Variants in ZNF652 observed in about 807,000 individuals in gnomAD.
ZNF652 encodes zinc finger protein 652.
ZNF652 carries 16 observed loss-of-function variants against 45.2 expected under a neutral mutation model. The ratio of observed to expected loss-of-function variants is 0.35; its 90% CI spans 0.24 to 0.54. The LOEUF (loss-of-function observed/expected upper bound fraction) is 0.54. Ranked by LOEUF, ZNF652 falls within the 20% of genes least tolerant of loss-of-function variation. The pLI is 0.91. For synonymous variants in ZNF652, 250 were observed against 260.6 expected (o/e 0.96, Z 0.39); for missense variants, 614 against 765.6 (o/e 0.80, Z 2.34).
At position 49,317,931 on chromosome 17, in the gene ZNF652, C is replaced by T. The variant is rs1455203619; in HGVS notation, c.-206G>A. 13 of 491,446 alleles carry T rather than the reference C, an allele frequency of 2.6e-5. No individual in the cohort carries two copies. Among genetic ancestry groups the T allele is most frequent in the Non-Finnish European group, 4.1e-5 (12 of 292,662 alleles). 30.4% of individuals were successfully genotyped at this position (491,446 alleles called of 1,614,324 possible). On this transcript the variant is annotated 5_prime_UTR_variant, in exon 2 of 6. Coordinates refer to ENST00000430262, the MANE Select transcript of ZNF652 (RefSeq NM_001145365.3). ...GTTTGGTATTATGGCAAGAGCAGAG[C>T]ACTAGTGATTTTTCTTCTGAAGAGA...
rs1382796576 is a variant in ZNF652 at position 49,289,449 on chromosome 17, A to G, written c.*8964T>C. 6.6e-6 allele frequency: 1 copy of G among 152,222 alleles called. No individual in the cohort carries two copies. Among genetic ancestry groups the G allele is most frequent in the East Asian group, 1.9e-4 (1 of 5,200 alleles). The allele number at this position is 152,222 out of a possible 1,614,324, so 9.4% of individuals were successfully genotyped here. A position where few individuals can be genotyped will look rare whatever the true frequency, so the allele number is the denominator to read the frequency against. Reference sequence around the variant, plus strand: ...AGTTGAAATAAAAAAGTGCATTTCAATTGCTAAAAAAATAATATCGGTATA... The same window carrying G: ...AGTTGAAATAAAAAAGTGCATTTCAGTTGCTAAAAAAATAATATCGGTATA... On this transcript the variant is annotated 3_prime_UTR_variant, in exon 6 of 6. Coordinates refer to ENST00000430262, the MANE Select transcript of ZNF652 (RefSeq NM_001145365.3).
intron 1 of ZNF652, among the ~76,000 whole-genome samples, chr17:49,345,638 G>A (rs2070196952): frequency 6.6e-6 from 1 of 150,882 alleles, no homozygotes; most frequent in Non-Finnish European, 1.5e-5. Context: ...TCAGGAGATC[G>A]AGACCATCCT....
Position 49,305,273 on chromosome 17 carries a change from T to TTGTCTATCACTTTAATCTCTATCA in ZNF652, c.1309+6038_1309+6039insTGATAGAGATTAAAGTGATAGACA, listed in dbSNP as rs577926278. Among the ~76,000 whole-genome samples the TTGTCTATCACTTTAATCTCTATCA allele has an allele frequency of 2.2e-3, 342 of 152,310 alleles. 1 individual carries two copies. The highest frequency in any genetic ancestry group is 7.7e-3 in the African/African-American group (320 of 41,574). Reference sequence around the variant, plus strand: ...CTGATATCCAGTCAATTCACCAAGTTCTACTTTGTCTATCACTTTAATCTC... The same window carrying TTGTCTATCACTTTAATCTCTATCA: ...CTGATATCCAGTCAATTCACCAAGTTTGTCTATCACTTTAATCTCTATCACTACTTTGTCTATCACTTTAATCTC... On this transcript the variant is annotated intron_variant, in intron 5 of 5. Coordinates refer to ENST00000430262, the MANE Select transcript of ZNF652 (RefSeq NM_001145365.3).
intron 1 of ZNF652, among the ~76,000 whole-genome samples, chr17:49,339,325 T>C (rs944956489): frequency 3.3e-5 from 5 of 150,986 alleles, no homozygotes; most frequent in African/African-American, 1.2e-4. Context: ...TTTTTTTTTT[T>C]TTTTTTTAAG....
intron 1 of ZNF652, among the ~76,000 whole-genome samples, chr17:49,347,287 A>C (rs1285340935): frequency 6.6e-6 from 1 of 152,244 alleles, no homozygotes; most frequent in Non-Finnish European, 1.5e-5. Flanking sequence ...TTTTGTGGCC[A>C]GGAGTGGTGG....
rs58790188 is a variant in ZNF652, at chr17:49,304,055, ATTT to A, written c.1310-5134_1310-5132del. Among the ~76,000 whole-genome samples, 71 of 117,398 alleles carry A rather than the reference ATTT, an allele frequency of 6.0e-4. 1 individual carries two copies. The highest frequency in any genetic ancestry group is 4.7e-3 in the Middle Eastern group (1 of 214). 77.0% of individuals were successfully genotyped at this position (117,398 alleles called of 152,430 possible). On this transcript the variant is annotated intron_variant, in intron 5 of 5. Transcript: ENST00000430262. The stretch of plus-strand genomic sequence containing the variant: ...AGGCGCCCGCCACCATGCCTGGCTA[ATTT>A]TTTTTTTTTTTTTTTGTATTTTTAG...
chr17:49,307,340 A>G (rs1487110961), intron 5 of ZNF652, among the ~76,000 whole-genome samples: 1 of 148,910 alleles, frequency 6.7e-6, no homozygotes, highest in Non-Finnish European at 1.5e-5. Context: ...CTGAGGCAGG[A>G]GAATCACTTG....
intron 1 of ZNF652, chr17:49,322,436 T>G (rs1176446169): frequency 6.6e-6 from 1 of 152,214 alleles, no homozygotes; most frequent in African/African-American, 2.4e-5. Context: ...AACAAAACTC[T>G]TTCCACTTTA....
At chr17:49,334,976 G>T (rs2070065120) in intron 1 of ZNF652, among the ~76,000 whole-genome samples, 1 of 152,082 alleles carries the variant, frequency 6.6e-6, no homozygotes, top group South Asian at 2.1e-4. Context: ...AGGGAGGAGG[G>T]GGGAGTGACT....
At chr17:49,356,936 C>T (rs914507448) in intron 1 of ZNF652, among the ~76,000 whole-genome samples, 2 of 151,122 alleles carry the variant, frequency 1.3e-5, no homozygotes, top group Non-Finnish European at 2.9e-5. Context: ...TGGAATAAAA[C>T]TGTATACATG....
At chr17:49,310,808 G>A (rs1567918492) in intron 5 of ZNF652, among the ~76,000 whole-genome samples, 1 of 152,162 alleles carries the variant, frequency 6.6e-6, no homozygotes. Flanking sequence ...AGGCTAAGGT[G>A]GGAGGATGGC....
chr17:49,336,950 T>TG (rs1414551681), intron 1 of ZNF652, among the ~76,000 whole-genome samples: 12 of 119,818 alleles, frequency 1.0e-4, no homozygotes, highest in Non-Finnish European at 2.2e-4. Context: ...GTGTTTTTTT[T>TG]TTTTTTTTTT....
At chr17:49,355,411 G>A (rs1379567888) in intron 1 of ZNF652, among the ~76,000 whole-genome samples, 1 of 150,652 alleles carries the variant, frequency 6.6e-6, no homozygotes, top group Non-Finnish European at 1.5e-5. Flanking sequence ...AACATAGTGA[G>A]GGAAAAAATA....
At chr17:49,339,197 A>ATTTTTTTTTTTTTTTTTTTTTTTTTTTT (rs34574898) in intron 1 of ZNF652, among the ~76,000 whole-genome samples, 1 of 119,538 alleles carries the variant, frequency 8.4e-6, no homozygotes, top group African/African-American at 3.2e-5. Context: ...GAGTTAGGAA[A>ATTTTTTTTTTTTTTTTTTTTTTTTTTTT]TTTTTTTTTT....
chr17:49,288,711 T>A (rs543063656), downstream of ZNF652, among the ~76,000 whole-genome samples: 1 of 152,308 alleles, frequency 6.6e-6, no homozygotes, highest in East Asian at 1.9e-4. Flanking sequence ...AGGCATCTAA[T>A]AAACATTTGT....
chr17:49,318,218 C>T (rs958665502), intron 1 of ZNF652, among the ~76,000 whole-genome samples: 1 of 152,246 alleles, frequency 6.6e-6, no homozygotes, highest in Admixed American at 6.5e-5. Flanking sequence ...GCTGGGATTA[C>T]AGGCGCCCGC....
At chr17:49,347,705 C>T (rs183106156) in intron 1 of ZNF652, among the ~76,000 whole-genome samples, 143 of 150,488 alleles carry the variant, frequency 9.5e-4, no homozygotes, top group Middle Eastern at 3.4e-3. Context: ...AGTAATCTTG[C>T]CCCATGCCTG....
At chr17:49,354,289 T>C (rs995576199) in intron 1 of ZNF652, among the ~76,000 whole-genome samples, 1 of 152,016 alleles carries the variant, frequency 6.6e-6, no homozygotes, top group African/African-American at 2.4e-5. Context: ...ATAAAAATTA[T>C]AAAAGAGAAA....
At chr17:49,314,472 T>TA (rs2069769529) in intron 2 of ZNF652, among the ~76,000 whole-genome samples, 1 of 152,126 alleles carries the variant, frequency 6.6e-6, no homozygotes. Flanking sequence ...ACTGTTTCTT[T>TA]AAAAAATTAA....
Sources: gnomAD v4.1 joint callset for allele counts (sites outside exome capture counted in the v4.1 genomes callset) on GRCh38, gnomAD v4.1.1 for gene constraint, MANE v1.5 for transcripts, NCBI Gene and HGNC (gene_info 2026-07-23, HGNC 2026-07-21) for gene names.